LRRC66: variants seen among roughly 807,000 people sequenced by gnomAD.
LRRC66 encodes the protein leucine-rich repeat-containing protein 66.
Under a neutral mutation model 24.6 loss-of-function variants are expected in LRRC66, and 29 were observed. The observed-to-expected ratio is 1.18, with a 90% CI of 0.88 to 1.61. LRRC66 has a LOEUF of 1.61. Among genes scored for constraint, LRRC66 ranks in the 40% most tolerant of loss-of-function variants. The pLI, the probability that LRRC66 is intolerant of heterozygous loss-of-function variation, is 0.00. For synonymous variants in LRRC66, 411 were observed against 397.6 expected (o/e 1.03, Z -0.40); for missense variants, 1,124 against 1,058.0 (o/e 1.06, Z -0.87).
rs777804986 is a variant in LRRC66, at chr4:52,017,127, T to C, written c.487A>G (p.Thr163Ala). The C allele has an allele frequency of 3.7e-6, 6 of 1,612,418 alleles. No individual in the cohort carries two copies. The East Asian group carries it at 8.9e-5, about 24-fold the overall frequency. ...LILQRNKLSD[T>A]PKGLWKLKSL... Reference sequence around the variant, plus strand: ...TTAAAATTGTACTCACCCTTGGGAGTGTCACTGAGTTTATTTCTTTGAAGA... The same window carrying C: ...TTAAAATTGTACTCACCCTTGGGAGCGTCACTGAGTTTATTTCTTTGAAGA... Residue 163 changes from threonine (T) to alanine (A), a missense_variant, in exon 2 of 5, where the codon ACT becomes GCT. Thr to Ala is a moderately conservative substitution (Grantham distance 58). Coordinates refer to ENST00000682860, the MANE Select transcript of LRRC66 (RefSeq NM_001024611.3).
chr4:51,994,526 G>C lies in LRRC66; in HGVS notation c.2496C>G (p.Ser832=). 1 of 1,614,074 alleles carries C rather than the reference G, an allele frequency of 6.2e-7. No individual in the cohort carries two copies. The highest frequency in any genetic ancestry group is 8.5e-7 in the Non-Finnish European group (1 of 1,179,968). Residue 832 remains serine (S), a synonymous_variant, in exon 5 of 5, where the codon TCC becomes TCG. Transcript: ENST00000682860. Reference sequence around the variant, plus strand: ...GTGAGCAATGCCATTCTGCTGCCTTGGATTGAAGAGCTGTGTCATAATCAT... The same window carrying C: ...GTGAGCAATGCCATTCTGCTGCCTTCGATTGAAGAGCTGTGTCATAATCAT... ...FTYDYDTALQ[S]KAAEWHCSLR... is the part of the protein sequence containing the mutation.
At chr4:52,009,043 A>C (rs907899877) in intron 2 of LRRC66, among the ~76,000 whole-genome samples, 19 of 152,270 alleles carry the variant, frequency 1.2e-4, no homozygotes, top group African/African-American at 4.3e-4. Context: ...TTTAATACCA[A>C]ATAAAAATAG....
At position 51,995,293 on chromosome 4, in the gene LRRC66, C is replaced by A. The variant is rs372117354; in HGVS notation, c.1729G>T (p.Asp577Tyr). Residue 577 changes from aspartate to tyrosine, a missense_variant, in exon 5 of 5, where the codon GAC (aspartate) becomes TAC (tyrosine). By Grantham distance (160) the Asp-to-Tyr change is radical. Transcript: ENST00000682860. ...GTTATTTCTCCGGAGAGGGAAGGGT[C>A]TAATTCATTGGAATCATAACGGCTT... ...GSSRYDSNEL[D>Y]PSLSGEITAS... is the part of the protein sequence containing the mutation. 1.5e-5 allele frequency: 25 copies of A among 1,614,054 alleles called. No individual in the cohort carries two copies. In the African/African-American group the frequency reaches 2.8e-4, roughly 18 times the overall value.
rs1168174744 is a variant in LRRC66, at chr4:51,995,126, C to G, written c.1896G>C (p.Leu632Phe). 2.5e-6 allele frequency: 4 copies of G among 1,614,136 alleles called. No homozygotes were observed. In the African/African-American group the frequency reaches 4.0e-5, roughly 16 times the overall value. The change falls in exon 5 of 5, where the codon TTG becomes TTC. Residue 632 changes from leucine to phenylalanine, a missense_variant. Leu to Phe is a conservative substitution (Grantham distance 22, BLOSUM62 0). Coordinates refer to ENST00000682860, the MANE Select transcript of LRRC66 (RefSeq NM_001024611.3). ...KERQVSSSID[L>F]LSIQQPRLSG... ...ACAGCCTTGGCTGCTGTATGCTCAG[C>G]AAATCAATGGATGAACTCACTTGCC...
chr4:52,002,449 G>A (rs1281023178), intron 3 of LRRC66, among the ~76,000 whole-genome samples: 1 of 152,142 alleles, frequency 6.6e-6, no homozygotes, highest in Non-Finnish European at 1.5e-5. Context: ...CCACTGAGAG[G>A]AGATTTTACA....
intron 1 of LRRC66, chr4:52,017,987 A>G (rs2110205020): frequency 1.0e-6 from 1 of 985,456 alleles, no homozygotes; most frequent in East Asian, 1.1e-4. Flanking sequence ...GGCCATTAAT[A>G]CAGAGCAAAG....
chr4:51,995,634 G>A lies in LRRC66; in HGVS notation c.1388C>T (p.Pro463Leu), dbSNP rs1376074989. Residue 463 changes from proline to leucine, a missense_variant, in exon 5 of 5, where the codon CCA becomes CTA. By Grantham distance (98) the Pro-to-Leu change is moderately conservative (BLOSUM62 -3). Transcript: ENST00000682860. ...AGGAATTACGGTGGCGTGTGGGTGTGGCTGTGTCACCCAGAAAGGGGTCTG... is the reference window on the plus strand; with the variant it reads ...AGGAATTACGGTGGCGTGTGGGTGTAGCTGTGTCACCCAGAAAGGGGTCTG... ...ENQTPFWVTQ[P>L]HPHATVIPDR... The A allele has an allele frequency of 1.2e-6, 2 of 1,614,082 alleles. No homozygotes were observed. The highest frequency in any genetic ancestry group is 2.2e-5 in the South Asian group (2 of 91,056).
chr4:52,000,360 T>TA (rs1736420862), intron 3 of LRRC66, among the ~76,000 whole-genome samples: 4 of 152,192 alleles, frequency 2.6e-5, no homozygotes, highest in Non-Finnish European at 1.5e-5. Flanking sequence ...ATACTACCAA[T>TA]TAACTACCAA....
intron 2 of LRRC66, among the ~76,000 whole-genome samples, chr4:52,015,877 A>G (rs1028735036): frequency 6.6e-6 from 1 of 152,192 alleles, no homozygotes; most frequent in Non-Finnish European, 1.5e-5. Flanking sequence ...TACAAATTAG[A>G]AATATGGACA....
chr4:52,005,602 CA>C (rs3066999), intron 2 of LRRC66, among the ~76,000 whole-genome samples: 15,768 of 145,410 alleles, frequency 0.11, 878 homozygotes, highest in Middle Eastern at 0.17. Flanking sequence ...AAACAAACAA[CA>C]AAAAAAAAAA....
chr4:52,009,579 A>G (rs1004199290), intron 2 of LRRC66, among the ~76,000 whole-genome samples: 1 of 152,184 alleles, frequency 6.6e-6, no homozygotes, highest in Non-Finnish European at 1.5e-5. Context: ...GTCTATAGAT[A>G]CTAAAAGGAT....
Position 52,017,140 on chromosome 4 carries a change from A to C in LRRC66, c.474T>G (p.Asn158Lys), listed in dbSNP as rs1370059017. ...CACCCTTGGGAGTGTCACTGAGTTT[A>C]TTTCTTTGAAGAATGAGCACCTTCA... The part of the protein sequence containing the change: ...PLLKVLILQR[N>K]KLSDTPKGLW... The change falls in exon 2 of 5, where the codon AAT becomes AAG. Residue 158 changes from asparagine to lysine, a missense_variant. By Grantham distance (94) the Asn-to-Lys change is moderately conservative. Transcript: ENST00000682860. The C allele has an allele frequency of 1.1e-5, 17 of 1,613,546 alleles. No individual in the cohort carries two copies. Among genetic ancestry groups the C allele is most frequent in the South Asian group, 2.2e-5 (2 of 90,986 alleles).
At chr4:51,997,696 G>A (rs1397237915) in intron 4 of LRRC66, 52 bp downstream of exon 4, 1 of 1,489,184 alleles carries the variant, frequency 6.7e-7, no homozygotes, top group Admixed American at 1.8e-5. Flanking sequence ...AAATGTCTAT[G>A]TGCATTTTTC....
At chr4:52,015,149 T>C (rs1431653673) in intron 2 of LRRC66, among the ~76,000 whole-genome samples, 6 of 152,154 alleles carry the variant, frequency 3.9e-5, no homozygotes, top group African/African-American at 1.2e-4. Flanking sequence ...ATCTCTTACT[T>C]CCCTATATTT....
rs371996554 is a variant in LRRC66, at chr4:52,003,254, G to T, written c.635C>A (p.Pro212Gln). The T allele has an allele frequency of 6.2e-6, 10 of 1,612,940 alleles. No individual in the cohort carries two copies. The African/African-American group carries it at 1.3e-4, about 22-fold the overall frequency. Residue 212 changes from proline (P) to glutamine (Q), a missense_variant, in exon 3 of 5, where the codon CCA becomes CAA. By Grantham distance (76) the Pro-to-Gln change is moderately conservative. Transcript: ENST00000682860. ...TTTTTTGAGGTCCTTGAAGGCTTGTGGGGGAATTTTGAATATCTTGTTGCT... is the reference window on the plus strand; with the variant it reads ...TTTTTTGAGGTCCTTGAAGGCTTGTTGGGGAATTTTGAATATCTTGTTGCT... ...LKSNKIFKIP[P>Q]QAFKDLKKLQ...
intron 1 of LRRC66, among the ~76,000 whole-genome samples, chr4:52,019,798 A>G (rs936697049): frequency 2.0e-5 from 3 of 152,230 alleles, no homozygotes; most frequent in African/African-American, 7.2e-5. Flanking sequence ...AGTGCTGAAG[A>G]GAAAGACATG....
rs758645688 is a variant in LRRC66 at position 51,995,314 on chromosome 4, G to T, written c.1708C>A (p.Arg570Ser). The stretch of plus-strand genomic sequence containing the variant: ...GGGTCTAATTCATTGGAATCATAAC[G>T]GCTTGAGCCAGAGACAGCGTGAGAC... Reference protein sequence around the residue: ...GTSHAVSGSSRYDSNELDPSL... With the variant: ...GTSHAVSGSSSYDSNELDPSL... Residue 570 changes from arginine (R) to serine (S), a missense_variant, in exon 5 of 5, where the codon CGT becomes AGT. By Grantham distance (110) the Arg-to-Ser change is moderately radical. Transcript: ENST00000682860. 3.1e-6 allele frequency: 5 copies of T among 1,614,152 alleles called. No individual in the cohort carries two copies.
intron 2 of LRRC66, among the ~76,000 whole-genome samples, chr4:52,006,729 G>A (rs144837620): frequency 2.1e-5 from 3 of 141,906 alleles, no homozygotes; most frequent in Non-Finnish European, 1.5e-5. Context: ...TAATAATAAA[G>A]AAAAAAAAAC....
intron 2 of LRRC66, among the ~76,000 whole-genome samples, chr4:52,016,287 T>G (rs565496969): frequency 6.6e-6 from 1 of 152,106 alleles, no homozygotes; most frequent in African/African-American, 2.4e-5. Context: ...AAAAACTAAA[T>G]ATGCACAATT....
Sources: gnomAD v4.1 joint callset for allele counts (sites outside exome capture counted in the v4.1 genomes callset) on GRCh38, gnomAD v4.1.1 for gene constraint, MANE v1.5 for transcripts, NCBI Gene and HGNC (gene_info 2026-07-23, HGNC 2026-07-21) for gene names.